Variants in MTREX observed in about 807,000 individuals in gnomAD.
The protein encoded by MTREX is exosome RNA helicase MTR4.
A neutral mutation model predicts 135.4 loss-of-function variants in MTREX; 76 were observed. The observed-to-expected ratio is 0.56, with a 90% CI of 0.47 to 0.68. The LOEUF (loss-of-function observed/expected upper bound fraction) is 0.68. MTREX is among the 30% of genes least tolerant of loss of function. The pLI is 0.00. For missense variants in MTREX, 920 were observed against 1,262.1 expected, an observed-to-expected ratio of 0.73 and a Z score of 4.11; for synonymous variants, 404 against 401.6, an observed-to-expected ratio of 1.01 and a Z score of -0.07.
At chr5:55,347,823 G>T (rs982693419) in intron 11 of MTREX, among the ~76,000 whole-genome samples, 7 of 152,206 alleles carry the variant, frequency 4.6e-5, no homozygotes, top group African/African-American at 1.7e-4. Context: ...CGTGGCTGGG[G>T]ATGCCTCACA....
In MTREX at chr5:55,379,168, G is replaced by C. The variant is rs780724270; in HGVS notation, c.2025G>C (p.Val675=). Residue 675 remains valine (V), a synonymous_variant, in exon 18 of 27, where the codon GTG becomes GTC. Coordinates refer to ENST00000230640, the MANE Select transcript of MTREX (RefSeq NM_015360.5). The part of the protein sequence containing the change: ...EGDDFGWGVV[V]NFSKKSNVKP... ...ATGACTTTGGCTGGGGAGTAGTGGT[G>C]AATTTCTCAAAAAAGTCAAATGTTA... The C allele has an allele frequency of 3.7e-6, 6 of 1,607,966 alleles. No homozygotes were observed. Among genetic ancestry groups the C allele is most frequent in the Non-Finnish European group, 2.6e-6 (3 of 1,176,142 alleles).
At chr5:55,364,379 T>C (rs1750062866) in intron 15 of MTREX, among the ~76,000 whole-genome samples, 1 of 152,206 alleles carries the variant, frequency 6.6e-6, no homozygotes. Flanking sequence ...GTGTGGTGTG[T>C]GTTTGAGAAA....
intron 1 of MTREX, among the ~76,000 whole-genome samples, chr5:55,321,603 ATTTTTTT>A (rs570546421): frequency 3.0e-4 from 31 of 103,094 alleles, no homozygotes; most frequent in South Asian, 6.0e-4. Flanking sequence ...CCAAACATCT[ATTTTTTT>A]TTTTTTTTTT....
chr5:55,311,888 A>G (rs2112016900), intron 1 of MTREX, among the ~76,000 whole-genome samples: 1 of 152,204 alleles, frequency 6.6e-6, no homozygotes, highest in East Asian at 1.9e-4. Flanking sequence ...AAAATTTTAA[A>G]TTACATATGC....
At chr5:55,410,082 A>C (rs958535500) in intron 22 of MTREX, among the ~76,000 whole-genome samples, 1 of 152,150 alleles carries the variant, frequency 6.6e-6, no homozygotes, top group Non-Finnish European at 1.5e-5. Flanking sequence ...AAATTAAAAC[A>C]TAAAAATAAA....
intron 1 of MTREX, among the ~76,000 whole-genome samples, chr5:55,310,453 C>T (rs1579840885): frequency 6.6e-6 from 1 of 152,116 alleles, no homozygotes; most frequent in East Asian, 1.9e-4. Context: ...ACTAAAAATA[C>T]AAAATTTAGC....
intron 18 of MTREX, among the ~76,000 whole-genome samples, chr5:55,381,996 A>G (rs891073854): frequency 5.3e-5 from 8 of 151,964 alleles, no homozygotes; most frequent in African/African-American, 1.9e-4. Flanking sequence ...TCTTTGCATA[A>G]TATTTTTTCC....
intron 10 of MTREX, 137 bp from the exon 11 acceptor site, chr5:55,346,876 A>C: frequency 1.6e-6 from 1 of 624,832 alleles, no homozygotes; most frequent in Non-Finnish European, 2.6e-6. Context: ...GTCATATCTA[A>C]GAATGCTTTG....
chr5:55,324,186 G>T lies in MTREX; in HGVS notation c.327G>T (p.Gly109=). 3 of 1,609,374 alleles carry T rather than the reference G, an allele frequency of 1.9e-6. No individual in the cohort carries two copies. The highest frequency in any genetic ancestry group is 2.5e-6 in the Non-Finnish European group (3 of 1,177,566). Residue 109 remains glycine (G), a synonymous_variant, in exon 3 of 27, where the codon GGG becomes GGT. Coordinates refer to ENST00000230640, the MANE Select transcript of MTREX (RefSeq NM_015360.5). ...VKVQSVETVE[G]CTHEVALPAE... Reference sequence around the variant, plus strand: ...TACAATCAGTTGAAACTGTTGAAGGGTGTACACATGAGGTAAGCACAAACA... The same window carrying T: ...TACAATCAGTTGAAACTGTTGAAGGTTGTACACATGAGGTAAGCACAAACA...
At chr5:55,348,821 A>G (rs911137986) in intron 11 of MTREX, among the ~76,000 whole-genome samples, 1 of 152,228 alleles carries the variant, frequency 6.6e-6, no homozygotes, top group African/African-American at 2.4e-5. Context: ...CTTAATACAT[A>G]TTATTTGATA....
chr5:55,379,893 G>A (rs1185374248), intron 18 of MTREX, among the ~76,000 whole-genome samples: 1 of 152,156 alleles, frequency 6.6e-6, no homozygotes, highest in East Asian at 1.9e-4. Flanking sequence ...ATACTGAAGT[G>A]CTGTAGATTC....
intron 5 of MTREX, among the ~76,000 whole-genome samples, chr5:55,332,453 T>C (rs1749493551): frequency 6.6e-6 from 1 of 152,216 alleles, no homozygotes; most frequent in South Asian, 2.1e-4. Flanking sequence ...CCATTTTACC[T>C]TGGCATGGTG....
chr5:55,321,907 T>C (rs1210504402), intron 1 of MTREX, among the ~76,000 whole-genome samples: 1 of 152,056 alleles, frequency 6.6e-6, no homozygotes, highest in Non-Finnish European at 1.5e-5. Flanking sequence ...CGTGCCCGGC[T>C]CCAAACGTCA....
In MTREX at chr5:55,344,032, A is replaced by G. The variant is rs182122829; in HGVS notation, c.907-490A>G. On this transcript the variant is annotated intron_variant, in intron 8 of 26. Transcript: ENST00000230640. ...TGTTCTCATGAACTTATCTGTTTAT[A>G]AGCTCCCTGATCGTGTTTTTATGGC... Among the ~76,000 whole-genome samples, 9 of 152,230 alleles carry G rather than the reference A, an allele frequency of 5.9e-5. No individual in the cohort carries two copies. In the East Asian group the frequency reaches 1.7e-3, roughly 29 times the overall value.
Position 55,328,693 on chromosome 5 carries a change from T to C in MTREX, c.403-6T>C. On this transcript the variant is annotated splice_polypyrimidine_tract_variant and splice_region_variant and intron_variant, in intron 4 of 26. Coordinates refer to ENST00000230640, the MANE Select transcript of MTREX (RefSeq NM_015360.5). ...TTATGCAGATATTAATGTTTTGTTT[T>C]TATAGGAATACCCGTTCATTCTTGA... is the stretch of plus-strand genomic sequence containing the variant. The C allele has an allele frequency of 6.3e-7, 1 of 1,592,582 alleles. No individual in the cohort carries two copies. Among genetic ancestry groups the C allele is most frequent in the Non-Finnish European group, 8.6e-7 (1 of 1,161,612 alleles).
Position 55,388,311 on chromosome 5 carries a change from A to G in MTREX, c.2181+209A>G, listed in dbSNP as rs1750511672. Among the ~76,000 whole-genome samples, 2 of 152,196 alleles carry G rather than the reference A, an allele frequency of 1.3e-5. 1 individual carries two copies. ...GTTTTTATTTTTCTTTTATCAAATT[A>G]CAACAAGATAAATCGTGACAAAGTG... On this transcript the variant is annotated intron_variant, in intron 19 of 26. Transcript: ENST00000230640.
chr5:55,322,779 T>A (rs1749309599), intron 2 of MTREX, among the ~76,000 whole-genome samples: 1 of 152,102 alleles, frequency 6.6e-6, no homozygotes, highest in South Asian at 2.1e-4. Flanking sequence ...AAGAGTGGAA[T>A]AAAAGGAAAA....
chr5:55,360,929 A>G (rs1749996639), intron 15 of MTREX, among the ~76,000 whole-genome samples: 1 of 152,214 alleles, frequency 6.6e-6, no homozygotes, highest in Non-Finnish European at 1.5e-5. Context: ...TGGCATGCAG[A>G]GGTTAAAAAA....
At position 55,425,329 on chromosome 5, in the gene MTREX, T is replaced by C. The variant is rs1480039177; in HGVS notation, c.*557T>C. 4 of 1,597,430 alleles carry C rather than the reference T, an allele frequency of 2.5e-6. No individual in the cohort carries two copies. The highest frequency in any genetic ancestry group is 4.5e-5 in the East Asian group (2 of 44,810). On this transcript the variant is annotated 3_prime_UTR_variant, in exon 27 of 27. Transcript: ENST00000230640. Reference sequence around the variant, plus strand: ...TTTCTTTGAAGAAATCCGATACATATACAGCCTACAGTGCAAAATATTTAA... The same window carrying C: ...TTTCTTTGAAGAAATCCGATACATACACAGCCTACAGTGCAAAATATTTAA...
Sources: gnomAD v4.1 joint callset for allele counts (sites outside exome capture counted in the v4.1 genomes callset) on GRCh38, gnomAD v4.1.1 for gene constraint, MANE v1.5 for transcripts, NCBI Gene and HGNC (gene_info 2026-07-23, HGNC 2026-07-21) for gene names.